Variants in PBX1 observed in about 807,000 individuals in gnomAD.
PBX1 encodes pre-B-cell leukemia transcription factor 1.
In PBX1, 6 loss-of-function variants were observed where a neutral mutation model predicts 53.4. The observed-to-expected ratio is 0.11, with a 90% confidence interval of 0.06 to 0.22. PBX1 has a LOEUF of 0.22. Ranked by LOEUF, PBX1 falls within the 10% of genes least tolerant of loss-of-function variation. The pLI is 1.00. For missense variants in PBX1, 251 were observed against 551.4 expected, an observed-to-expected ratio of 0.46 and a Z score of 5.46; for synonymous variants, 204 against 212.3, an observed-to-expected ratio of 0.96 and a Z score of 0.34.
intron 2 of PBX1, among the ~76,000 whole-genome samples, chr1:164,881,556 C>A (rs547585620): frequency 3.2e-5 from 2 of 62,936 alleles, no homozygotes; most frequent in Admixed American, 3.8e-4. Context: ...GAGAGAGTAG[C>A]GGTGGTGAGA....
At chr1:164,631,244 C>G (rs973501171) in intron 2 of PBX1, 4 of 151,486 alleles carry the variant, frequency 2.6e-5, no homozygotes, top group African/African-American at 9.7e-5. Flanking sequence ...TGGTTAAAAC[C>G]AAACGAATAG....
downstream of PBX1, among the ~76,000 whole-genome samples, chr1:164,855,598 C>T (rs893471251): frequency 6.6e-6 from 1 of 152,164 alleles, no homozygotes; most frequent in East Asian, 1.9e-4. Flanking sequence ...TTCCAGAACC[C>T]AGAGCATGGA....
intron 2 of PBX1, among the ~76,000 whole-genome samples, chr1:164,628,523 G>A (rs1216363975): frequency 6.6e-6 from 1 of 152,170 alleles, no homozygotes; most frequent in South Asian, 2.1e-4. Context: ...AAACCATCAC[G>A]GTTCCTTCTC....
intron 2 of PBX1, among the ~76,000 whole-genome samples, chr1:164,699,828 A>G (rs971428216): frequency 2.6e-5 from 4 of 152,126 alleles, no homozygotes; most frequent in Non-Finnish European, 5.9e-5. Flanking sequence ...GGGAGCTGTG[A>G]TGCTGTCGTC....
At position 164,647,815 on chromosome 1, in the gene PBX1, C is replaced by CT. The variant is rs11299199; in HGVS notation, c.265+84521dup. Among the ~76,000 whole-genome samples, 702 of 133,906 alleles carry CT rather than the reference C, an allele frequency of 5.2e-3. 6 individuals carry two copies. Among genetic ancestry groups the CT allele is most frequent in the Middle Eastern group, 0.032 (8 of 250 alleles). 87.8% of individuals were successfully genotyped at this position (133,906 alleles called of 152,430 possible). On this transcript the variant is annotated intron_variant, in intron 2 of 8. Transcript: ENST00000420696. ...TCTGTATTTTCTCAAAGCACCCCAGCTTTTTTTTTTTTTTTTTGAGACAGA... is the reference window on the plus strand; with the variant it reads ...TCTGTATTTTCTCAAAGCACCCCAGCTTTTTTTTTTTTTTTTTTGAGACAGA...
chr1:164,876,915 C>T (rs932387579), intron 2 of PBX1, among the ~76,000 whole-genome samples: 10 of 152,166 alleles, frequency 6.6e-5, no homozygotes, highest in Admixed American at 2.0e-4. Context: ...GGCCCCCTGC[C>T]GTGCACCTAA....
At chr1:164,810,867 T>G (rs554881113) in intron 5 of PBX1, among the ~76,000 whole-genome samples, 17 of 152,246 alleles carry the variant, frequency 1.1e-4, no homozygotes, top group African/African-American at 4.1e-4. Context: ...GATTTTTTTT[T>G]AAAAAAGAAA....
At chr1:164,731,745 A>G (rs1004618187) in intron 2 of PBX1, among the ~76,000 whole-genome samples, 1 of 152,168 alleles carries the variant, frequency 6.6e-6, no homozygotes, top group Non-Finnish European at 1.5e-5. Flanking sequence ...TTAAGGATTA[A>G]TTACTGTTAA....
At chr1:164,775,200 GGAA>G (rs1667584542) in intron 2 of PBX1, among the ~76,000 whole-genome samples, 1 of 152,084 alleles carries the variant, frequency 6.6e-6, no homozygotes, top group Admixed American at 6.6e-5. Context: ...CTCTGTTAAC[GGAA>G]GGAGCCAGAT....
chr1:164,817,737 C>T (rs1669946933), intron 6 of PBX1: 1 of 152,238 alleles, frequency 6.6e-6, no homozygotes, highest in Non-Finnish European at 1.5e-5. Context: ...CATTCCATGC[C>T]TTCATGGTTC....
chr1:164,731,569 CAAA>C (rs1395713383), intron 2 of PBX1, among the ~76,000 whole-genome samples: 1 of 152,124 alleles, frequency 6.6e-6, no homozygotes, highest in Non-Finnish European at 1.5e-5. Context: ...GAAATGCAAA[CAAA>C]AACAACATGC....
intron 8 of PBX1, among the ~76,000 whole-genome samples, chr1:164,846,090 C>T (rs187138827): frequency 2.6e-4 from 40 of 152,140 alleles, no homozygotes; most frequent in African/African-American, 9.4e-4. Flanking sequence ...AGTATAGAAC[C>T]TTGTGCAGAA....
chr1:164,865,492 A>G (rs1335029242), intron 2 of PBX1, among the ~76,000 whole-genome samples: 1 of 152,186 alleles, frequency 6.6e-6, no homozygotes, highest in African/African-American at 2.4e-5. Context: ...TAGGCAGGAA[A>G]AGTTACGTCT....
At chr1:164,764,958 T>A (rs1666991456) in intron 2 of PBX1, among the ~76,000 whole-genome samples, 1 of 152,208 alleles carries the variant, frequency 6.6e-6, no homozygotes. Context: ...GTCTTTATTA[T>A]AATTCTCCTG....
chr1:164,606,367 G>A (rs1656554259), intron 2 of PBX1, among the ~76,000 whole-genome samples: 1 of 152,192 alleles, frequency 6.6e-6, no homozygotes, highest in African/African-American at 2.4e-5. Context: ...GTGGACGCCT[G>A]TATTCCCAGC....
At chr1:164,798,385 A>G (rs1668893110) in intron 3 of PBX1, among the ~76,000 whole-genome samples, 1 of 152,252 alleles carries the variant, frequency 6.6e-6, no homozygotes, top group African/African-American at 2.4e-5. Flanking sequence ...TGTGAATCTA[A>G]TATAGTTTTA....
At chr1:164,667,215 A>G (rs1660855176) in intron 2 of PBX1, among the ~76,000 whole-genome samples, 1 of 152,140 alleles carries the variant, frequency 6.6e-6, no homozygotes, top group Non-Finnish European at 1.5e-5. Context: ...GATTTCATCT[A>G]ATCTTGCACT....
chr1:164,684,171 A>G (rs1406775670), intron 2 of PBX1: 1 of 152,188 alleles, frequency 6.6e-6, no homozygotes, highest in African/African-American at 2.4e-5. Context: ...TCTAACAGCT[A>G]TGCTTACCTT....
intron 2 of PBX1, among the ~76,000 whole-genome samples, chr1:164,736,131 C>T (rs555290881): frequency 6.6e-6 from 1 of 152,316 alleles, no homozygotes; most frequent in East Asian, 1.9e-4. Context: ...GTGCCCCATC[C>T]AGCCTCTTCC....
Sources: allele counts gnomAD v4.1 joint callset (sites outside exome capture counted in the v4.1 genomes callset), GRCh38; gene constraint gnomAD v4.1.1; transcripts MANE v1.5; gene names NCBI Gene and HGNC (gene_info 2026-07-23, HGNC 2026-07-21).